The following MICB variants were observed in gnomAD, a reference collection of about 807,000 sequenced individuals.
MICB encodes the protein MHC class I antigen-related protein B.
A neutral mutation model predicts 34.3 loss-of-function variants in MICB; 27 were observed. That is an observed-to-expected ratio of 0.79 (90% CI 0.58 to 1.08). MICB has a LOEUF of 1.08. Among genes scored for constraint, MICB ranks in the 50% least tolerant of loss-of-function variants. The probability of loss-of-function intolerance (pLI) is 0.00; values close to 1 mark genes in which losing one functional copy is unlikely to be tolerated. For missense variants in MICB, 426 were observed against 483.1 expected, an observed-to-expected ratio of 0.88 and a Z score of 1.11; for synonymous variants, 153 against 187.4, an observed-to-expected ratio of 0.82 and a Z score of 1.50.
At chr6:31,499,515 C>A (rs1377655876) in intron 1 of MICB, among the ~76,000 whole-genome samples, 1 of 151,112 alleles carries the variant, frequency 6.6e-6, no homozygotes, top group African/African-American at 2.4e-5. Flanking sequence ...CCCAAATGTC[C>A]CTGACTCTAA....
chr6:31,497,884 T>G (rs2534671), upstream of MICB, among the ~76,000 whole-genome samples: 74,096 of 151,898 alleles, frequency 0.49, 18,529 homozygotes, highest in East Asian at 0.65. Flanking sequence ...TGCTCATAAG[T>G]TTGGAGCTGT....
intron 1 of MICB, among the ~76,000 whole-genome samples, chr6:31,499,472 C>T (rs1194660891): frequency 6.6e-6 from 1 of 152,048 alleles, no homozygotes; most frequent in East Asian, 1.9e-4. Flanking sequence ...TGCAAGCAGC[C>T]TTCACTCCGT....
intron 5 of MICB, among the ~76,000 whole-genome samples, chr6:31,508,300 A>G (rs894284086): frequency 2.0e-5 from 3 of 152,096 alleles, no homozygotes; most frequent in Non-Finnish European, 4.4e-5. Flanking sequence ...CTGCCTGGTA[A>G]GTTTGGAGTA....
chr6:31,508,720 A>T (rs144943813), intron 5 of MICB, among the ~76,000 whole-genome samples: 1 of 152,288 alleles, frequency 6.6e-6, no homozygotes, highest in African/African-American at 2.4e-5. Context: ...AAGGGTATGA[A>T]ATTCATGTGC....
At chr6:31,502,761 TA>T (rs1461718330) in intron 1 of MICB, among the ~76,000 whole-genome samples, 1 of 152,236 alleles carries the variant, frequency 6.6e-6, no homozygotes, top group Non-Finnish European at 1.5e-5. Context: ...TTGCTCTAGC[TA>T]GGACTTGCAG....
chr6:31,497,816 G>T (rs1238772415), upstream of MICB, among the ~76,000 whole-genome samples: 2 of 152,204 alleles, frequency 1.3e-5, no homozygotes, highest in Non-Finnish European at 2.9e-5. Flanking sequence ...GCTCCTTGGG[G>T]GTGGGAATGC....
rs1371417972 is a variant in MICB, at chr6:31,503,986, T to TGTGTGTGTGTGTGTGA, written c.71-1630_71-1629insTGTGTGTGTGTGTGAG. ...GTGTGTGTGTGTGTGTGTGTGTGTG[T>TGTGTGTGTGTGTGTGA]GATAATAGCCACCCTGATTGGTTTG... is the stretch of plus-strand genomic sequence containing the variant. On this transcript the variant is annotated intron_variant, in intron 1 of 5. Coordinates refer to ENST00000252229, the MANE Select transcript of MICB (RefSeq NM_005931.5). 5.1e-4 allele frequency among the ~76,000 whole-genome samples: 76 copies of TGTGTGTGTGTGTGTGA among 147,890 alleles called. 1 individual carries two copies. Among genetic ancestry groups the TGTGTGTGTGTGTGTGA allele is most frequent in the African/African-American group, 1.4e-3 (56 of 39,802 alleles).
At chr6:31,506,728 C>T (rs1249576944) in intron 3 of MICB, among the ~76,000 whole-genome samples, 2 of 152,090 alleles carry the variant, frequency 1.3e-5, no homozygotes, top group Non-Finnish European at 2.9e-5. Context: ...CCTCTGCCTC[C>T]CGGCCTGCCC....
At chr6:31,506,916 G>A (rs879642659) in intron 3 of MICB, 106 bp from the exon 4 acceptor site, 2 of 1,517,246 alleles carry the variant, frequency 1.3e-6, no homozygotes, top group African/African-American at 1.4e-5. Flanking sequence ...TCCGGTATCT[G>A]TGAGGGATTC....
rs756443655 is a variant in MICB, at chr6:31,507,259, T to C, written c.851T>C (p.Met284Thr). 2 of 1,613,936 alleles carry C rather than the reference T, an allele frequency of 1.2e-6. No homozygotes were observed. Among genetic ancestry groups the C allele is most frequent in the Non-Finnish European group, 1.7e-6 (2 of 1,179,956 alleles). The stretch of plus-strand genomic sequence containing the variant: ...GAGGAGCAGAGGTTCACCTGCTACA[T>C]GGAACACAGCGGGAATCACGGCACT... ...QGEEQRFTCY[M>T]EHSGNHGTHP... Residue 284 changes from methionine (M) to threonine (T), a missense_variant, in exon 4 of 6, where the codon ATG (methionine) becomes ACG (threonine). Met to Thr is a moderately conservative substitution (Grantham distance 81, BLOSUM62 -1). Coordinates refer to ENST00000252229, the MANE Select transcript of MICB (RefSeq NM_005931.5). The surrounding 1 kb of genome is among the most constrained non-coding windows in gnomAD (Gnocchi z 6.0).
Position 31,505,656 on chromosome 6 carries a change from A to G in MICB, c.110A>G (p.Gln37Arg), listed in dbSNP as rs1562363250. The change falls in exon 2 of 6, where the codon CAG (glutamine) becomes CGG (arginine). Residue 37 changes from glutamine (Q) to arginine (R), a missense_variant. Coordinates refer to ENST00000252229, the MANE Select transcript of MICB (RefSeq NM_005931.5). ...CGTTACAACCTCATGGTGCTGTCCC[A>G]GGATGGATCTGTGCAGTCAGGGTTT... ...SLRYNLMVLSQDGSVQSGFLA... is the reference protein window; with the variant it reads ...SLRYNLMVLSRDGSVQSGFLA... 3.7e-6 allele frequency: 6 copies of G among 1,612,776 alleles called. No homozygotes were observed. Among genetic ancestry groups the G allele is most frequent in the Admixed American group, 3.3e-5 (2 of 60,000 alleles).
chr6:31,499,087 G>A (rs1175185513), intron 1 of MICB, among the ~76,000 whole-genome samples: 1 of 151,656 alleles, frequency 6.6e-6, no homozygotes, highest in African/African-American at 2.4e-5. Flanking sequence ...GGACCCGGAG[G>A]TGGTGCTTCT....
At chr6:31,500,473 T>G (rs1287428238) in intron 1 of MICB, among the ~76,000 whole-genome samples, 1 of 152,194 alleles carries the variant, frequency 6.6e-6, no homozygotes, top group Non-Finnish European at 1.5e-5. Context: ...TTATGCTCTT[T>G]CAGTTATTTT....
chr6:31,497,949 C>A (rs3828912), upstream of MICB: 105,686 of 310,928 alleles, frequency 0.34, 18,651 homozygotes, highest in East Asian at 0.47. Context: ...CGCACGCTCC[C>A]CCTTTTCTGG....
chr6:31,505,994 G>C, intron 2 of MICB, 123 bp downstream of exon 2: 2 of 1,478,428 alleles, frequency 1.4e-6, no homozygotes, highest in Non-Finnish European at 1.8e-6. Flanking sequence ...TAGGGTCAGG[G>C]AGGCTCAGCA....
At chr6:31,506,929 C>A in intron 3 of MICB, 93 bp from the exon 4 acceptor site, 1 of 1,535,504 alleles carries the variant, frequency 6.5e-7, no homozygotes, top group Non-Finnish European at 8.8e-7. Context: ...AGGGATTCAG[C>A]CAGAGTGAGA....
chr6:31,504,453 G>T (rs1765188095), intron 1 of MICB, among the ~76,000 whole-genome samples: 2 of 149,568 alleles, frequency 1.3e-5, no homozygotes, highest in South Asian at 2.1e-4. Context: ...TAGAGATAGG[G>T]TTTCACCATG....
chr6:31,502,041 A>C (rs1427053157), intron 1 of MICB, among the ~76,000 whole-genome samples: 1 of 152,162 alleles, frequency 6.6e-6, no homozygotes, highest in Non-Finnish European at 1.5e-5. Context: ...ATTTTAACAA[A>C]ATTGATTCTT....
At position 31,506,283 on chromosome 6, in the gene MICB, T is replaced by TC. The variant is rs781107940; in HGVS notation, c.468dup (p.Arg157GlnfsTer103). 1.2e-6 allele frequency: 2 copies of TC among 1,614,172 alleles called. No individual in the cohort carries two copies. The highest frequency in any genetic ancestry group is 8.5e-7 in the Non-Finnish European group (1 of 1,180,030). Reference sequence around the variant, plus strand: ...TCAAGAATCGACAGTGCCCCAGTCCTCCAGAGCTCAGACCTTGGCTATGAA... The same window carrying TC: ...TCAAGAATCGACAGTGCCCCAGTCCTCCCAGAGCTCAGACCTTGGCTATGAA... On this transcript the variant is annotated frameshift_variant, in exon 3 of 6. Transcript: ENST00000252229. LOFTEE classifies it high-confidence loss of function.
Sources: allele counts gnomAD v4.1 joint callset (sites outside exome capture counted in the v4.1 genomes callset), GRCh38; gene constraint gnomAD v4.1.1; non-coding constraint Gnocchi (gnomAD v3.1); transcripts MANE v1.5; gene names NCBI Gene and HGNC (gene_info 2026-07-23, HGNC 2026-07-21).